CPVL: variants seen among roughly 807,000 people sequenced by gnomAD.
CPVL encodes probable serine carboxypeptidase CPVL.
Under a neutral mutation model 63.7 loss-of-function variants are expected in CPVL, and 51 were observed. The observed-to-expected ratio is 0.80, with a 90% CI of 0.64 to 1.01. The LOEUF (loss-of-function observed/expected upper bound fraction) is 1.01, where lower values mean the gene tolerates loss of function less well. Ranked by LOEUF, CPVL falls within the 50% of genes least tolerant of loss-of-function variation. CPVL has a pLI of 0.00. For synonymous variants in CPVL, 195 were observed against 206.0 expected (o/e 0.95, Z 0.46); for missense variants, 530 against 573.1 (o/e 0.92, Z 0.77).
chr7:29,018,669 C>T (rs113544814), intron 12 of CPVL, among the ~76,000 whole-genome samples: 272 of 152,250 alleles, frequency 1.8e-3, no homozygotes, highest in African/African-American at 5.7e-3. Flanking sequence ...GTCAGCAACC[C>T]TGCCCGGCCA....
rs1798851649 is a variant in CPVL, at chr7:29,187,418, C to G, written c.-447-871G>C. 4.6e-5 allele frequency among the ~76,000 whole-genome samples: 7 copies of G among 151,976 alleles called. No individual in the cohort carries two copies. The South Asian group carries it at 1.5e-3, about 32-fold the overall frequency. On this transcript the variant is annotated intron_variant, in intron 1 of 16. Coordinates refer to the CPVL transcript ENST00000409850. Reference sequence around the variant, plus strand: ...GTGTACTCTGTTATATTATACATGCCACTTCCTAAAGATTCTGATGTATGG... The same window carrying G: ...GTGTACTCTGTTATATTATACATGCGACTTCCTAAAGATTCTGATGTATGG...
chr7:29,123,710 T>C (rs1487856834), intron 1 of CPVL, among the ~76,000 whole-genome samples: 5 of 36,752 alleles, frequency 1.4e-4, no homozygotes, highest in African/African-American at 9.4e-4. Context: ...GGTTTTTGTT[T>C]TTTTTTTTTC....
intron 5 of CPVL, among the ~76,000 whole-genome samples, chr7:29,151,842 C>T (rs2128693364): frequency 6.6e-6 from 1 of 152,230 alleles, no homozygotes; most frequent in East Asian, 1.9e-4. Flanking sequence ...GAGGATTTGA[C>T]GAAATTGTAT....
chr7:29,072,953 T>C (rs1428880352), intron 7 of CPVL, among the ~76,000 whole-genome samples: 1 of 152,226 alleles, frequency 6.6e-6, no homozygotes, highest in Non-Finnish European at 1.5e-5. Flanking sequence ...AAGGTCCTTT[T>C]TCAAGGTCAG....
chr7:29,139,686 G>A (rs137967767), intron 1 of CPVL, among the ~76,000 whole-genome samples: 111 of 152,250 alleles, frequency 7.3e-4, no homozygotes, highest in Middle Eastern at 6.8e-3. Context: ...TCAGGCACAC[G>A]TGTACACAAG....
At chr7:29,094,814 C>G (rs1026755464) in intron 5 of CPVL, among the ~76,000 whole-genome samples, 14 of 151,694 alleles carry the variant, frequency 9.2e-5, no homozygotes, top group Non-Finnish European at 7.4e-5. Context: ...CAGTGAGCTG[C>G]CAGCCTGGGC....
In CPVL at chr7:28,995,835, C is replaced by CA; in HGVS notation, c.1367dup (p.Arg457GlufsTer4). Reference sequence around the variant, plus strand: ...ATCGATTAATCATGTCAAAAGCTCTCAGAGGCTGGTCATAGGGTAAAATAT... The same window carrying CA: ...ATCGATTAATCATGTCAAAAGCTCTCAAGAGGCTGGTCATAGGGTAAAATAT... On this transcript the variant is annotated frameshift_variant, in exon 13 of 13. Transcript: ENST00000265394. LOFTEE classifies it high-confidence loss of function. 1 of 1,607,456 alleles carries CA rather than the reference C, an allele frequency of 6.2e-7. No homozygotes were observed. The highest frequency in any genetic ancestry group is 1.1e-5 in the South Asian group (1 of 88,960).
At chr7:29,093,224 AAAATTAGCCGGGCATGATG>A (rs1786014492) in intron 5 of CPVL, among the ~76,000 whole-genome samples, 1 of 151,930 alleles carries the variant, frequency 6.6e-6, no homozygotes, top group Admixed American at 6.6e-5. Context: ...TAAAAATACG[AAAATTAGCCGGGCATGATG>A]GCGGGCACCT....
chr7:29,064,186 C>A lies in CPVL; in HGVS notation c.1012G>T (p.Val338Leu), dbSNP rs1333938994. Reference protein sequence around the residue: ...YYVKFLSLPEVRQAIHVGNQT... With the variant: ...YYVKFLSLPELRQAIHVGNQT... ...TTCCCCACGTGGATGGCTTGTCTCACCTCTGGGAGTGACAAAAATTTCACA... is the reference window on the plus strand; with the variant it reads ...TTCCCCACGTGGATGGCTTGTCTCAACTCTGGGAGTGACAAAAATTTCACA... The change falls in exon 11 of 13, where the codon GTG becomes TTG. Residue 338 changes from valine (V) to leucine (L), a missense_variant. Coordinates refer to ENST00000265394, the MANE Select transcript of CPVL (RefSeq NM_031311.5). 1 of 1,613,548 alleles carries A rather than the reference C, an allele frequency of 6.2e-7. No homozygotes were observed. The highest frequency in any genetic ancestry group is 1.3e-5 in the African/African-American group (1 of 74,996).
At chr7:29,194,373 G>C (rs1211708369) in intron 1 of CPVL, 1 of 151,806 alleles carries the variant, frequency 6.6e-6, no homozygotes, top group Non-Finnish European at 1.5e-5. Flanking sequence ...TGTCAAGCCC[G>C]CAGCAGCCGA....
intron 9 of CPVL, among the ~76,000 whole-genome samples, chr7:29,069,770 A>ATGTGTGTGTGTGTGTGTGTG (rs70977102): frequency 7.6e-6 from 1 of 132,246 alleles, no homozygotes; most frequent in African/African-American, 3.0e-5. Context: ...TCACCAGTAA[A>ATGTGTGTGTGTGTGTGTGTG]TGTGTGTGTG....
chr7:29,026,284 C>T (rs537664785), intron 12 of CPVL, among the ~76,000 whole-genome samples: 6 of 151,934 alleles, frequency 3.9e-5, no homozygotes, highest in East Asian at 3.9e-4. Flanking sequence ...AAAATGGAAA[C>T]GCAAAATACC....
chr7:28,999,487 C>T (rs1181712178), intron 12 of CPVL, among the ~76,000 whole-genome samples: 1 of 152,232 alleles, frequency 6.6e-6, no homozygotes, highest in Non-Finnish European at 1.5e-5. Context: ...TTAACACCTA[C>T]TCATGAATAC....
At chr7:29,035,593 C>T (rs959858521) in intron 11 of CPVL, among the ~76,000 whole-genome samples, 7 of 151,612 alleles carry the variant, frequency 4.6e-5, no homozygotes, top group African/African-American at 1.5e-4. Flanking sequence ...CTTGCTAAAC[C>T]GCTGTGAAAT....
At chr7:29,163,737 C>G (rs912295370) in intron 5 of CPVL, among the ~76,000 whole-genome samples, 29 of 152,242 alleles carry the variant, frequency 1.9e-4, no homozygotes, top group African/African-American at 6.0e-4. Flanking sequence ...ATCAGCTTTC[C>G]ATTACTATAG....
At chr7:29,013,828 AGAT>A (rs1048427016) in intron 12 of CPVL, among the ~76,000 whole-genome samples, 15 of 152,222 alleles carry the variant, frequency 9.9e-5, no homozygotes, top group African/African-American at 3.6e-4. Flanking sequence ...GCCTTTCCCA[AGAT>A]GATGACCTTC....
intron 7 of CPVL, among the ~76,000 whole-genome samples, chr7:29,078,397 C>A (rs188683377): frequency 6.6e-6 from 1 of 152,316 alleles, no homozygotes; most frequent in East Asian, 1.9e-4. Flanking sequence ...GAGTTCAGTG[C>A]CAGTTTGGAG....
chr7:28,995,736 A>G lies in CPVL; in HGVS notation c.*36T>C, dbSNP rs774343766. The G allele has an allele frequency of 4.8e-6, 6 of 1,255,072 alleles. No homozygotes were observed. Among genetic ancestry groups the G allele is most frequent in the East Asian group, 4.9e-5 (2 of 40,964 alleles). The allele number at this position is 1,255,072 out of a possible 1,614,324, so 77.7% of individuals were successfully genotyped here. On this transcript the variant is annotated 3_prime_UTR_variant, in exon 13 of 13. Transcript: ENST00000265394. The stretch of plus-strand genomic sequence containing the variant: ...TGTTTTTACGATTTTCTTTTCAGCA[A>G]TGAAAACCTCTGATGTTCTCTTTTG...
At chr7:29,176,998 C>T (rs916636781) in intron 5 of CPVL, among the ~76,000 whole-genome samples, 1 of 151,624 alleles carries the variant, frequency 6.6e-6, no homozygotes, top group Non-Finnish European at 1.5e-5. Flanking sequence ...GAAAAAAAAT[C>T]ATTTAATACA....
Sources: allele counts gnomAD v4.1 joint callset (sites outside exome capture counted in the v4.1 genomes callset), GRCh38; gene constraint gnomAD v4.1.1; transcripts MANE v1.5; gene names NCBI Gene and HGNC (gene_info 2026-07-23, HGNC 2026-07-21).